The following ACADM variants were observed in gnomAD, a reference collection of about 807,000 sequenced individuals.
ACADM encodes medium-chain specific acyl-CoA dehydrogenase, mitochondrial.
ACADM carries 49 observed loss-of-function variants against 58.9 expected under a neutral mutation model. The observed-to-expected ratio is 0.83, with a 90% confidence interval of 0.66 to 1.06. The LOEUF is 1.06. Ranked by LOEUF, ACADM falls within the 50% of genes least tolerant of loss-of-function variation. ACADM has a pLI of 0.00. For synonymous variants in ACADM, 160 were observed against 157.7 expected (o/e 1.01, Z -0.11); for missense variants, 496 against 507.0 (o/e 0.98, Z 0.21).
Position 75,749,458 on chromosome 1 carries a change from A to G in ACADM, c.748A>G (p.Ile250Val), listed in dbSNP as rs1419420576. The G allele has an allele frequency of 1.2e-6, 2 of 1,613,924 alleles. No individual in the cohort carries two copies. Among genetic ancestry groups the G allele is most frequent in the Non-Finnish European group, 1.7e-6 (2 of 1,179,874 alleles). Residue 250 changes from isoleucine (I) to valine (V), a missense_variant, in exon 9 of 12, where the codon ATT (isoleucine) becomes GTT (valine). By Grantham distance (29) the Ile-to-Val change is conservative. Transcript: ENST00000370841. ...CCAGCGATGTTCAGATACTAGAGGA[A>G]TTGTCTTCGAAGATGTGAAAGTGCC... ...MGQRCSDTRGIVFEDVKVPKE... is the reference protein window; with the variant it reads ...MGQRCSDTRGVVFEDVKVPKE...
At chr1:75,730,744 C>T (rs1647134400) in intron 2 of ACADM, among the ~76,000 whole-genome samples, 2 of 151,768 alleles carry the variant, frequency 1.3e-5, no homozygotes, top group African/African-American at 4.8e-5. Context: ...TCAGGCTGGC[C>T]CCAAACTCCT....
chr1:75,741,724 T>C (rs963283435), intron 7 of ACADM, among the ~76,000 whole-genome samples: 8 of 152,208 alleles, frequency 5.3e-5, no homozygotes, highest in Admixed American at 3.3e-4. Context: ...AATAAAACTA[T>C]AGAATGAGTG....
chr1:75,760,645 A>G (rs1347115179), intron 10 of ACADM, among the ~76,000 whole-genome samples: 2 of 151,300 alleles, frequency 1.3e-5, no homozygotes, highest in African/African-American at 4.8e-5. Flanking sequence ...TCAGAAGTGC[A>G]AAGACGTAAA....
At chr1:75,754,657 C>T (rs1485315337) in intron 10 of ACADM, among the ~76,000 whole-genome samples, 2 of 152,204 alleles carry the variant, frequency 1.3e-5, no homozygotes, top group Admixed American at 6.5e-5. Context: ...TCCAAGATGG[C>T]TGAATAGGAA....
chr1:75,731,546 C>T (rs970340476), intron 2 of ACADM, among the ~76,000 whole-genome samples: 2 of 152,112 alleles, frequency 1.3e-5, no homozygotes, highest in Non-Finnish European at 2.9e-5. Flanking sequence ...CAATTGACTC[C>T]TCTCCTCAAT....
At position 75,756,317 on chromosome 1, in the gene ACADM, CATCAT is replaced by C. The variant is rs552905400; in HGVS notation, c.946-4799_946-4795del. Among the ~76,000 whole-genome samples, 473 of 152,228 alleles carry C rather than the reference CATCAT, an allele frequency of 3.1e-3. 3 individuals are homozygous for C. Among genetic ancestry groups the C allele is most frequent in the African/African-American group, 0.011 (442 of 41,542 alleles). The stretch of plus-strand genomic sequence containing the variant: ...TCATGATTGTTTATTTAGAAAACCC[CATCAT>C]ATCATCCCAAAATCTCCTTAAGCAG... On this transcript the variant is annotated intron_variant, in intron 10 of 11. Coordinates refer to ENST00000370841, the MANE Select transcript of ACADM (RefSeq NM_000016.6).
intron 4 of ACADM, 85 bp from the exon 5 acceptor site, chr1:75,733,443 A>T: frequency 7.4e-7 from 1 of 1,351,444 alleles, no homozygotes; most frequent in Non-Finnish European, 1.1e-6. Flanking sequence ...TTTTGGTCAT[A>T]TTGAAAGCAA....
chr1:75,751,230 C>T (rs1187998423), intron 10 of ACADM, among the ~76,000 whole-genome samples: 3 of 150,914 alleles, frequency 2.0e-5, no homozygotes, highest in Non-Finnish European at 4.4e-5. Context: ...GTCCCAGCTA[C>T]TCGGGAGGCT....
At chr1:75,730,141 C>T (rs966765461) in intron 2 of ACADM, among the ~76,000 whole-genome samples, 3 of 151,828 alleles carry the variant, frequency 2.0e-5, no homozygotes, top group East Asian at 1.9e-4. Flanking sequence ...GTGATCCACC[C>T]GTCTTGTCCT....
At chr1:75,758,507 T>C (rs1435301143) in intron 10 of ACADM, among the ~76,000 whole-genome samples, 2 of 152,214 alleles carry the variant, frequency 1.3e-5, no homozygotes, top group Non-Finnish European at 2.9e-5. Context: ...CCTGTCCTCT[T>C]GAGAGGTGAA....
intron 10 of ACADM, among the ~76,000 whole-genome samples, chr1:75,751,275 G>A (rs984321557): frequency 6.6e-6 from 1 of 151,396 alleles, no homozygotes; most frequent in Non-Finnish European, 1.5e-5. Flanking sequence ...AGGAGGCAGA[G>A]CTTGCAGTGA....
At chr1:75,729,035 T>C (rs1016609541) in intron 2 of ACADM, among the ~76,000 whole-genome samples, 3 of 152,128 alleles carry the variant, frequency 2.0e-5, no homozygotes, top group African/African-American at 7.2e-5. Flanking sequence ...TTCTTGGCCT[T>C]CTAAAGTGCT....
chr1:75,743,260 A>G (rs570744382), intron 7 of ACADM, among the ~76,000 whole-genome samples: 1 of 152,154 alleles, frequency 6.6e-6, no homozygotes, highest in African/African-American at 2.4e-5. Flanking sequence ...GAACACCAAG[A>G]AAAAAGCTGT....
intron 3 of ACADM, 51 bp downstream of exon 3, chr1:75,732,792 A>G (rs752451629): frequency 7.5e-6 from 12 of 1,605,404 alleles, no homozygotes; most frequent in Admixed American, 1.7e-5. Context: ...TTTTTACAAG[A>G]TTATGTAATC....
intron 11 of ACADM, among the ~76,000 whole-genome samples, chr1:75,762,454 T>C (rs1648905992): frequency 6.6e-6 from 1 of 152,134 alleles, no homozygotes; most frequent in South Asian, 2.1e-4. Flanking sequence ...TTTTGAAGAC[T>C]CTTCTCCAAA....
chr1:75,750,315 T>C (rs1187719018), intron 9 of ACADM, 136 bp from the exon 10 acceptor site: 3 of 739,560 alleles, frequency 4.1e-6, no homozygotes, highest in Non-Finnish European at 7.1e-6. Context: ...TACGTGCCTA[T>C]TCCCTGTTCC....
rs1175509955 is a variant in ACADM at position 75,735,343 on chromosome 1, GTCA to G, written c.468+477_468+479del. 3.4e-5 allele frequency among the ~76,000 whole-genome samples: 5 copies of G among 147,434 alleles called. No homozygotes were observed. The East Asian group carries it at 8.0e-4, about 23-fold the overall frequency. On this transcript the variant is annotated intron_variant, in intron 6 of 11. Transcript: ENST00000370841. ...TCAAAAAAAAAAAAAAAAAAAAGGT[GTCA>G]TCATAATTTTGTTGCTTATTTCCAG...
intron 6 of ACADM, among the ~76,000 whole-genome samples, chr1:75,735,469 T>C (rs894377012): frequency 6.6e-6 from 1 of 152,218 alleles, no homozygotes; most frequent in Non-Finnish European, 1.5e-5. Flanking sequence ...TGGAGCATTC[T>C]ACACTTTAAG....
At position 75,749,738 on chromosome 1, in the gene ACADM, G is replaced by A. The variant is rs1247392786; in HGVS notation, c.849+179G>A. ...TTTTTTTTTTTTTTTTTTTGAGACA[G>A]AGTCTCACTCTGTCACCAGGATGGA... On this transcript the variant is annotated intron_variant, in intron 9 of 11. Transcript: ENST00000370841. 9.7e-5 allele frequency among the ~76,000 whole-genome samples: 12 copies of A among 124,336 alleles called. No individual in the cohort carries two copies. The Admixed American group carries it at 1.1e-3, about 11-fold the overall frequency. 81.6% of individuals were successfully genotyped at this position (124,336 alleles called of 152,430 possible).
Sources: allele counts gnomAD v4.1 joint callset (sites outside exome capture counted in the v4.1 genomes callset), GRCh38; gene constraint gnomAD v4.1.1; transcripts MANE v1.5; gene names NCBI Gene and HGNC (gene_info 2026-07-23, HGNC 2026-07-21).